Variants in GCC2 observed in about 807,000 individuals in gnomAD.
GCC2 encodes the protein GRIP and coiled-coil domain-containing protein 2.
In GCC2, 120 loss-of-function variants were observed where a neutral mutation model predicts 210.6. The ratio of observed to expected loss-of-function variants is 0.57; its 90% CI spans 0.49 to 0.66. The LOEUF (loss-of-function observed/expected upper bound fraction) is 0.66. Ranked by LOEUF, GCC2 falls within the 30% of genes least tolerant of loss-of-function variation. The pLI is 0.00. For missense variants in GCC2, 1,868 were observed against 1,871.9 expected (o/e 1.00, Z 0.04); for synonymous variants, 703 against 652.7 (o/e 1.08, Z -1.17).
chr2:108,467,325 T>G (rs1020568204), intron 4 of GCC2, among the ~76,000 whole-genome samples: 2 of 152,216 alleles, frequency 1.3e-5, no homozygotes, highest in African/African-American at 4.8e-5. Context: ...TTGCTACTAG[T>G]ATCCAAAAAT....
intron 4 of GCC2, among the ~76,000 whole-genome samples, chr2:108,467,302 A>C (rs1208267389): frequency 6.6e-6 from 1 of 152,114 alleles, no homozygotes; most frequent in African/African-American, 2.4e-5. Flanking sequence ...TTGTAATTAT[A>C]TTTTCTAAAT....
rs774367204 is a variant in GCC2 at position 108,486,665 on chromosome 2, A to T, written c.3930+17A>T. On this transcript the variant is annotated intron_variant, in intron 16 of 22. Coordinates refer to ENST00000309863, the MANE Select transcript of GCC2 (RefSeq NM_181453.4). Reference sequence around the variant, plus strand: ...GCTGCCAAGGTGCGTTCTTCAGGGCAGCCACAGCAAGCCACTGGGATTTTA... The same window carrying T: ...GCTGCCAAGGTGCGTTCTTCAGGGCTGCCACAGCAAGCCACTGGGATTTTA... The T allele has an allele frequency of 1.9e-6, 3 of 1,595,982 alleles. No individual in the cohort carries two copies.
chr2:108,479,654 C>T (rs1336456595), intron 9 of GCC2, among the ~76,000 whole-genome samples: 1 of 149,866 alleles, frequency 6.7e-6, no homozygotes, highest in African/African-American at 2.5e-5. Flanking sequence ...AAAAAGATTT[C>T]GCAAGCACGA....
At position 108,481,798 on chromosome 2, in the gene GCC2, A is replaced by G. The variant is rs759901263; in HGVS notation, c.3162A>G (p.Leu1054=). The change falls in exon 10 of 23, where the codon TTA becomes TTG. Residue 1054 remains leucine (L), a synonymous_variant. Transcript: ENST00000309863. ...GTATTGAAGACCTTACAAGACAATT[A>G]AGAAATTCGACTTTGCAGGTAATTT... ...EHRIEDLTRQ[L]RNSTLQCETI... The G allele has an allele frequency of 1.3e-6, 2 of 1,569,680 alleles. No individual in the cohort carries two copies. Among genetic ancestry groups the G allele is most frequent in the Non-Finnish European group, 1.7e-6 (2 of 1,162,104 alleles).
At chr2:108,504,750 TAA>T (rs972179946) in intron 22 of GCC2, among the ~76,000 whole-genome samples, 2 of 152,160 alleles carry the variant, frequency 1.3e-5, no homozygotes, top group African/African-American at 4.8e-5. Flanking sequence ...AAGCAGGAAG[TAA>T]AAGTCATTTT....
At chr2:108,476,770 A>G (rs1321561287) in intron 9 of GCC2, among the ~76,000 whole-genome samples, 10 of 152,194 alleles carry the variant, frequency 6.6e-5, no homozygotes, top group South Asian at 6.2e-4. Context: ...AGGTCAACCA[A>G]ATAGACTGAG....
intron 4 of GCC2, chr2:108,462,545 ACAAAGACTTCG>A (rs1680651098): frequency 6.2e-5 from 4 of 64,358 alleles, no homozygotes; most frequent in Middle Eastern, 6.9e-3. Context: ...TGCATATGTC[ACAAAGACTTCG>A]CTTCTTTTTT....
intron 9 of GCC2, among the ~76,000 whole-genome samples, 175 bp from the exon 10 acceptor site, chr2:108,481,522 G>T (rs1017963149): frequency 1.3e-5 from 2 of 151,916 alleles, no homozygotes; most frequent in Admixed American, 6.6e-5. Context: ...AATACTAAAA[G>T]TTACCCAAAA....
intron 4 of GCC2, among the ~76,000 whole-genome samples, chr2:108,467,748 G>C (rs555006060): frequency 6.6e-6 from 1 of 152,296 alleles, no homozygotes; most frequent in African/African-American, 2.4e-5. Context: ...TCTGTAAGTA[G>C]TTGGATATTG....
intron 4 of GCC2, among the ~76,000 whole-genome samples, chr2:108,466,907 C>T (rs1680923498): frequency 6.6e-6 from 1 of 152,082 alleles, no homozygotes; most frequent in South Asian, 2.1e-4. Context: ...TATTGAATAG[C>T]CTTTCTCCAT....
At chr2:108,464,307 C>T (rs1372080523) in intron 4 of GCC2, among the ~76,000 whole-genome samples, 1 of 152,182 alleles carries the variant, frequency 6.6e-6, no homozygotes, top group Non-Finnish European at 1.5e-5. Context: ...TCAGCCACCC[C>T]TCTGCATGGT....
rs1682156168 is a variant in GCC2 at position 108,486,632 on chromosome 2, A to T, written c.3914A>T (p.Glu1305Val). 5 of 1,612,366 alleles carry T rather than the reference A, an allele frequency of 3.1e-6. No individual in the cohort carries two copies. Among genetic ancestry groups the T allele is most frequent in the Non-Finnish European group, 4.2e-6 (5 of 1,179,310 alleles). ...CAGAGAGTGACAGCACTACAGGAAG[A>T]GTGCCGTGCTGCCAAGGTGCGTTCT... ...YQQRVTALQE[E>V]CRAAKAEQAT... The change falls in exon 16 of 23, where the codon GAG (glutamate) becomes GTG (valine). Residue 1305 changes from glutamate to valine, a missense_variant. Around this residue, in one of 3 missense-constraint regions of GCC2, gnomAD observed 1,847 missense variants for 1,765.2 expected, o/e 1.05. Coordinates refer to ENST00000309863, the MANE Select transcript of GCC2 (RefSeq NM_181453.4).
intron 16 of GCC2, among the ~76,000 whole-genome samples, chr2:108,486,850 A>AG (rs1682167202): frequency 6.6e-6 from 1 of 152,246 alleles, no homozygotes; most frequent in Non-Finnish European, 1.5e-5. Flanking sequence ...TTTTGCCAAA[A>AG]GGAAAAACAT....
At chr2:108,463,347 C>T (rs890316048) in intron 4 of GCC2, among the ~76,000 whole-genome samples, 8 of 151,540 alleles carry the variant, frequency 5.3e-5, no homozygotes, top group Non-Finnish European at 8.8e-5. Context: ...TTTTAATTTA[C>T]TTTTGTAGGG....
In GCC2 at chr2:108,471,250, C is replaced by A; in HGVS notation, c.1921C>A (p.Leu641Ile). The A allele has an allele frequency of 1.9e-6, 3 of 1,608,926 alleles. No homozygotes were observed. The highest frequency in any genetic ancestry group is 2.5e-6 in the Non-Finnish European group (3 of 1,178,526). Reference sequence around the variant, plus strand: ...GCAAACAATCCAGTACAACAGTGAACTAGAACAAAAGGTAAATGAATTAAC... The same window carrying A: ...GCAAACAATCCAGTACAACAGTGAAATAGAACAAAAGGTAAATGAATTAAC... ...VEQTIQYNSE[L>I]EQKVNELTGG... Residue 641 changes from leucine (L) to isoleucine (I), a missense_variant, in exon 6 of 23, where the codon CTA becomes ATA. Physicochemically the swap from Leu to Ile is conservative, Grantham distance 5. Coordinates refer to ENST00000309863, the MANE Select transcript of GCC2 (RefSeq NM_181453.4).
chr2:108,482,306 A>T lies in GCC2; in HGVS notation c.3200A>T (p.Asp1067Val), dbSNP rs1166742035. The T allele has an allele frequency of 6.3e-7, 1 of 1,577,642 alleles. No homozygotes were observed. Among genetic ancestry groups the T allele is most frequent in the African/African-American group, 1.4e-5 (1 of 73,354 alleles). Residue 1067 changes from aspartate to valine, a missense_variant, in exon 11 of 23, where the codon GAT (aspartate) becomes GTT (valine). Around this residue, in one of 3 missense-constraint regions of GCC2, gnomAD observed 1,847 missense variants for 1,765.2 expected, o/e 1.05. Transcript: ENST00000309863. ...TTTCAGTGTGAAACAATAAATTCTG[A>T]TAATGAAGATCTCCTGGCTCGTATT... The part of the protein sequence containing the change: ...STLQCETINS[D>V]NEDLLARIET...
intron 17 of GCC2, 72 bp downstream of exon 17, chr2:108,487,892 C>CTTT: frequency 8.5e-7 from 1 of 1,179,900 alleles, no homozygotes; most frequent in Non-Finnish European, 1.2e-6. Flanking sequence ...ATTGAAAATC[C>CTTT]TATTATGATT....
chr2:108,498,281 C>T (rs542472261), intron 21 of GCC2, among the ~76,000 whole-genome samples: 3 of 143,690 alleles, frequency 2.1e-5, no homozygotes, highest in East Asian at 2.0e-4. Context: ...CTGCAATCTC[C>T]GCCTCCCAGG....
In GCC2 at chr2:108,481,817, G is replaced by C; in HGVS notation, c.3180+1G>C. The C allele has an allele frequency of 6.5e-7, 1 of 1,548,370 alleles. No homozygotes were observed. The highest frequency in any genetic ancestry group is 8.7e-7 in the Non-Finnish European group (1 of 1,150,694). ...ACAATTAAGAAATTCGACTTTGCAG[G>C]TAATTTTTTAATAAATCCAAAAATG... On this transcript the variant is annotated splice_donor_variant, in intron 10 of 22. Coordinates refer to ENST00000309863, the MANE Select transcript of GCC2 (RefSeq NM_181453.4). LOFTEE classifies it high-confidence loss of function.
Sources: allele counts gnomAD v4.1 joint callset (sites outside exome capture counted in the v4.1 genomes callset), GRCh38; gene constraint gnomAD v4.1.1; regional missense constraint gnomAD v4.1.1; transcripts MANE v1.5; gene names NCBI Gene and HGNC (gene_info 2026-07-23, HGNC 2026-07-21).